NDUFAF8: variants seen among roughly 807,000 people sequenced by gnomAD.
The protein encoded by NDUFAF8 is NADH:ubiquinone oxidoreductase complex assembly factor 8, also known as NADH dehydrogenase [ubiquinone] 1 alpha subcomplex assembly factor 8.
Under a neutral mutation model 9.9 loss-of-function variants are expected in NDUFAF8, and 9 were observed. That is an observed-to-expected ratio of 0.91 (90% CI 0.55 to 1.59). The LOEUF (loss-of-function observed/expected upper bound fraction) is 1.59. Ranked by LOEUF, NDUFAF8 falls within the 40% of genes most tolerant of loss-of-function variation. The pLI is 0.00. For missense variants in NDUFAF8, 114 were observed against 113.8 expected (o/e 1.00, Z -0.01); for synonymous variants, 63 against 51.2 (o/e 1.23, Z -0.98).
rs200962132 is a variant in NDUFAF8, at chr17:81,240,640, GC to G, written c.196-345del. ...GCCGAGATCACGCTGCTGTACTCCA[GC>G]CTAGGCAACAAAGTGAGACTGCATC... On this transcript the variant is annotated intron_variant, in intron 2 of 2. Transcript: ENST00000431388. Among the ~76,000 whole-genome samples, 24 of 148,756 alleles carry G rather than the reference GC, an allele frequency of 1.6e-4. No homozygotes were observed. The East Asian group carries it at 4.6e-3, about 29-fold the overall frequency.
rs2062815125 is a variant in NDUFAF8 at position 81,241,196 on chromosome 17, A to C, written c.*180A>C. On this transcript the variant is annotated 3_prime_UTR_variant, in exon 3 of 3. Transcript: ENST00000431388. ...CAAGTTGAGGCGTGGGTAGAGCAGG[A>C]ATTGGTTTTCCAGCATTGTGTCCGT... The C allele has an allele frequency of 5.1e-6, 7 of 1,383,730 alleles. No homozygotes were observed. The highest frequency in any genetic ancestry group is 9.4e-7 in the Non-Finnish European group (1 of 1,066,338). 85.7% of individuals were successfully genotyped at this position (1,383,730 alleles called of 1,614,324 possible).
At position 81,239,338 on chromosome 17, in the gene NDUFAF8, C is replaced by A; in HGVS notation, c.-26C>A. On this transcript the variant is annotated 5_prime_UTR_variant, in exon 1 of 3. Coordinates refer to ENST00000431388, the MANE Select transcript of NDUFAF8 (RefSeq NM_001086521.2). ...AAGAGGACGGACCTAAGATGGCGGCCTCCAGGGGGCTGGGAATAGCCGCTC... is the reference window on the plus strand; with the variant it reads ...AAGAGGACGGACCTAAGATGGCGGCATCCAGGGGGCTGGGAATAGCCGCTC... The A allele has an allele frequency of 7.3e-7, 1 of 1,367,808 alleles. No individual in the cohort carries two copies. The highest frequency in any genetic ancestry group is 1.8e-5 in the South Asian group (1 of 55,006). The allele number at this position is 1,367,808 out of a possible 1,614,324, so 84.7% of individuals were successfully genotyped here. A position where few individuals can be genotyped will look rare whatever the true frequency, so the allele number is the denominator to read the frequency against.
At chr17:81,239,730 C>G in intron 2 of NDUFAF8, 52 bp downstream of exon 2, 4 of 1,493,788 alleles carry the variant, frequency 2.7e-6, no homozygotes, top group South Asian at 1.2e-5. Context: ...CCTCCAAGAG[C>G]CAGCGGGCCC....
At position 81,241,087 on chromosome 17, in the gene NDUFAF8, C is replaced by T; in HGVS notation, c.*71C>T. On this transcript the variant is annotated 3_prime_UTR_variant, in exon 3 of 3. Transcript: ENST00000431388. ...CCCTAGTCCTGATGGCCCCTGGTGG[C>T]ACATATCGAATGCCTAGGGCAGAAA... The T allele has an allele frequency of 1.3e-6, 2 of 1,556,668 alleles. No homozygotes were observed. Among genetic ancestry groups the T allele is most frequent in the Non-Finnish European group, 1.7e-6 (2 of 1,148,660 alleles).
intron 2 of NDUFAF8, 51 bp from the exon 3 acceptor site, chr17:81,240,936 G>A: frequency 6.3e-7 from 1 of 1,599,242 alleles, no homozygotes; most frequent in Non-Finnish European, 8.5e-7. Context: ...TGCTTTTGAG[G>A]CGTATCTAAC....
In NDUFAF8 at chr17:81,241,061, G is replaced by A. The variant is rs1186332700; in HGVS notation, c.*45G>A. On this transcript the variant is annotated 3_prime_UTR_variant, in exon 3 of 3. Transcript: ENST00000431388. ...ACCTGTCTGCTGCCATGGGTGCAGA[G>A]CCCTAGTCCTGATGGCCCCTGGTGG... 1 of 1,597,320 alleles carries A rather than the reference G, an allele frequency of 6.3e-7. No individual in the cohort carries two copies. The highest frequency in any genetic ancestry group is 2.2e-5 in the East Asian group (1 of 44,574).
Position 81,239,399 on chromosome 17 carries a change from A to C in NDUFAF8, c.36A>C (p.Arg12=). ...ACGGAGCGGTGTGGGGCCGCGTGCG[A>C]AGCCGCCTCCGCGCCTTCCCCGAGC... ...SANGAVWGRV[R]SRLRAFPERL... is the part of the protein sequence containing the mutation. Residue 12 remains arginine, a synonymous_variant, in exon 1 of 3, where the codon CGA becomes CGC. Coordinates refer to ENST00000431388, the MANE Select transcript of NDUFAF8 (RefSeq NM_001086521.2). 2 of 1,364,836 alleles carry C rather than the reference A, an allele frequency of 1.5e-6. No individual in the cohort carries two copies. The highest frequency in any genetic ancestry group is 1.9e-6 in the Non-Finnish European group (2 of 1,057,894). 84.5% of individuals were successfully genotyped at this position (1,364,836 alleles called of 1,614,324 possible). A position where few individuals can be genotyped will look rare whatever the true frequency, so the allele number is the denominator to read the frequency against.
In NDUFAF8 at chr17:81,241,139, A is replaced by G. The variant is rs780687774; in HGVS notation, c.*123A>G. 23 of 1,437,102 alleles carry G rather than the reference A, an allele frequency of 1.6e-5. No homozygotes were observed. The highest frequency in any genetic ancestry group is 2.0e-5 in the Non-Finnish European group (22 of 1,085,382). The allele number at this position is 1,437,102 out of a possible 1,614,324, so 89.0% of individuals were successfully genotyped here. On this transcript the variant is annotated 3_prime_UTR_variant, in exon 3 of 3. Transcript: ENST00000431388. ...GAAGTGGGAATGGCGAAGATGTGAC[A>G]TTCCTCGGTGTTAGATCCTGTTTTT...
chr17:81,240,767 G>C (rs1467644261), intron 2 of NDUFAF8, among the ~76,000 whole-genome samples: 1 of 152,080 alleles, frequency 6.6e-6, no homozygotes, highest in Non-Finnish European at 1.5e-5. Flanking sequence ...GCAGCAGTGA[G>C]TTCTGTGATA....
In NDUFAF8 at chr17:81,239,576, G is replaced by C. The variant is rs1233014050; in HGVS notation, c.93G>C (p.Ala31=). 1 of 1,533,824 alleles carries C rather than the reference G, an allele frequency of 6.5e-7. No homozygotes were observed. Among genetic ancestry groups the C allele is most frequent in the Admixed American group, 2.0e-5 (1 of 50,640 alleles). ...GCCCGTCCTTTCCGCAGGCCGCGGC[G>C]TACGGCAGGTGCGTGCAGGCCTCCA... ...RLAACGAEAA[A]YGRCVQASTA... The change falls in exon 2 of 3, where the codon GCG becomes GCC. Residue 31 remains alanine, a synonymous_variant. Coordinates refer to ENST00000431388, the MANE Select transcript of NDUFAF8 (RefSeq NM_001086521.2).
chr17:81,240,946 C>T (rs753926266), intron 2 of NDUFAF8, 41 bp from the exon 3 acceptor site: 8 of 1,608,256 alleles, frequency 5.0e-6, no homozygotes, highest in Non-Finnish European at 6.8e-6. Flanking sequence ...GCGTATCTAA[C>T]TTGGAAGCAA....
rs2146865333 is a variant in NDUFAF8, at chr17:81,241,270, T to A, written c.*254T>A. 1 of 1,131,168 alleles carries A rather than the reference T, an allele frequency of 8.8e-7. No homozygotes were observed. The highest frequency in any genetic ancestry group is 2.2e-5 in the South Asian group (1 of 44,696). The allele number at this position is 1,131,168 out of a possible 1,614,324, so 70.1% of individuals were successfully genotyped here. A position where few individuals can be genotyped will look rare whatever the true frequency, so the allele number is the denominator to read the frequency against. On this transcript the variant is annotated 3_prime_UTR_variant, in exon 3 of 3. Coordinates refer to ENST00000431388, the MANE Select transcript of NDUFAF8 (RefSeq NM_001086521.2). ...AACGGAAGCCACGATAAAGACTCGG[T>A]CAAATCCTGCAGCCTGGGGCTTACT...
At chr17:81,239,727 G>A in intron 2 of NDUFAF8, 49 bp downstream of exon 2, 1 of 1,503,038 alleles carries the variant, frequency 6.7e-7, no homozygotes, top group Non-Finnish European at 8.9e-7. Flanking sequence ...TCCCCTCCAA[G>A]AGCCAGCGGG....
chr17:81,239,544 G>C lies in NDUFAF8; in HGVS notation c.85-24G>C, dbSNP rs1243014236. On this transcript the variant is annotated intron_variant, in intron 1 of 2. Transcript: ENST00000431388. Reference sequence around the variant, plus strand: ...CGGTGACGGGGTCAGGGGACCCCACGACCCACGCCCGTCCTTTCCGCAGGC... The same window carrying C: ...CGGTGACGGGGTCAGGGGACCCCACCACCCACGCCCGTCCTTTCCGCAGGC... 2.0e-6 allele frequency: 3 copies of C among 1,501,416 alleles called. No homozygotes were observed. The African/African-American group carries it at 4.3e-5, about 21-fold the overall frequency. 93.0% of individuals were successfully genotyped at this position (1,501,416 alleles called of 1,614,324 possible). A position where few individuals can be genotyped will look rare whatever the true frequency, so the allele number is the denominator to read the frequency against.
intron 2 of NDUFAF8, 135 bp from the exon 3 acceptor site, chr17:81,240,852 G>T: frequency 8.5e-7 from 1 of 1,175,072 alleles, no homozygotes. Context: ...CCAACCAGTC[G>T]AGCCCCCACC....
chr17:81,240,307 A>T (rs2062803617), intron 2 of NDUFAF8: 1 of 154,412 alleles, frequency 6.5e-6, no homozygotes, highest in East Asian at 1.9e-4. Flanking sequence ...GTATTTGAAC[A>T]AGAGTTCCAC....
At chr17:81,239,812 A>C in intron 2 of NDUFAF8, 134 bp downstream of exon 2, 1 of 984,214 alleles carries the variant, frequency 1.0e-6, no homozygotes, top group Non-Finnish European at 1.5e-6. Flanking sequence ...CGGCTGACAA[A>C]ATCACCGAGC....
chr17:81,239,528 G>C, intron 1 of NDUFAF8, 40 bp from the exon 2 acceptor site: 1 of 1,482,734 alleles, frequency 6.7e-7, no homozygotes, highest in Non-Finnish European at 8.9e-7. Flanking sequence ...ACGGTGACGG[G>C]GTCAGGGGAC....
Position 81,239,677 on chromosome 17 carries a change from C to T in NDUFAF8, c.194C>T (p.Ala65Val), listed in dbSNP as rs1279422775. ...FEALRSCFAA[A>V]AKKTLEGGC ...GCCCTGCGGAGCTGCTTCGCCGCTG[C>T]GGTAGGTGGGCGCGGGCCCCTTCCC... is the stretch of plus-strand genomic sequence containing the variant. The change falls in exon 2 of 3, where the codon GCG (alanine) becomes GTG (valine). Residue 65 changes from alanine to valine, a missense_variant and splice_region_variant. Physicochemically the swap from Ala to Val is moderately conservative, Grantham distance 64. Transcript: ENST00000431388. 1 of 1,538,292 alleles carries T rather than the reference C, an allele frequency of 6.5e-7. No homozygotes were observed. The highest frequency in any genetic ancestry group is 1.2e-5 in the South Asian group (1 of 84,002).
Sources: gnomAD v4.1 joint callset for allele counts (sites outside exome capture counted in the v4.1 genomes callset) on GRCh38, gnomAD v4.1.1 for gene constraint, MANE v1.5 for transcripts, NCBI Gene and HGNC (gene_info 2026-07-23, HGNC 2026-07-21) for gene names.